Variants in UTP20 observed in about 807,000 individuals in gnomAD.
UTP20 encodes small subunit processome component 20 homolog.
A neutral mutation model predicts 329.5 loss-of-function variants in UTP20; 164 were observed. The ratio of observed to expected loss-of-function variants is 0.50; its 90% confidence interval spans 0.44 to 0.57. The LOEUF (loss-of-function observed/expected upper bound fraction) is 0.57. Among genes scored for constraint, UTP20 ranks in the 20% least tolerant of loss-of-function variants. The pLI is 0.00. For synonymous variants in UTP20, 1,151 were observed against 1,159.3 expected (o/e 0.99, Z 0.14); for missense variants, 3,055 against 3,284.2 (o/e 0.93, Z 1.71).
At chr12:101,359,915 C>T (rs1435276934) in intron 43 of UTP20, among the ~76,000 whole-genome samples, 1 of 152,152 alleles carries the variant, frequency 6.6e-6, no homozygotes, top group African/African-American at 2.4e-5. Context: ...AGTTGTAGCT[C>T]CTGCCCTTCC....
intron 18 of UTP20, among the ~76,000 whole-genome samples, chr12:101,308,709 C>T (rs1487866281): frequency 6.7e-6 from 1 of 149,710 alleles, no homozygotes; most frequent in Non-Finnish European, 1.5e-5. Context: ...GATTTGTTTG[C>T]TGCTGCAGAA....
At chr12:101,319,298 C>G (rs1371409353) in intron 22 of UTP20, among the ~76,000 whole-genome samples, 1 of 152,046 alleles carries the variant, frequency 6.6e-6, no homozygotes, top group African/African-American at 2.4e-5. Flanking sequence ...CAATTTAAAC[C>G]ATTCTGAGCA....
intron 8 of UTP20, 127 bp downstream of exon 8, chr12:101,291,015 C>G: frequency 9.9e-7 from 1 of 1,013,270 alleles, no homozygotes; most frequent in South Asian, 2.5e-5. Flanking sequence ...CTTCTGTACA[C>G]ATATTAAAAT....
chr12:101,366,466 TG>T, intron 46 of UTP20, 91 bp from the exon 47 acceptor site: 1 of 1,481,198 alleles, frequency 6.8e-7, no homozygotes, highest in Non-Finnish European at 9.1e-7. Flanking sequence ...TATTTAGTGC[TG>T]GGCTCTCGTC....
chr12:101,299,595 T>A, intron 12 of UTP20, 87 bp from the exon 13 acceptor site: 1 of 1,305,298 alleles, frequency 7.7e-7, no homozygotes. Flanking sequence ...TGCTCCACAA[T>A]GGTAAGAATC....
chr12:101,343,029 A>G lies in UTP20; in HGVS notation c.4385A>G (p.Glu1462Gly). 1 of 1,613,500 alleles carries G rather than the reference A, an allele frequency of 6.2e-7. No individual in the cohort carries two copies. The highest frequency in any genetic ancestry group is 8.5e-7 in the Non-Finnish European group (1 of 1,179,548). ...TFQTITSYIK[E>G]MQIVDVNYLI... Reference sequence around the variant, plus strand: ...CAGACCATCACCTCTTACATTAAAGAAATGCAAATTGTGGATGTTAACTAC... The same window carrying G: ...CAGACCATCACCTCTTACATTAAAGGAATGCAAATTGTGGATGTTAACTAC... The change falls in exon 35 of 62, where the codon GAA (glutamate) becomes GGA (glycine). Residue 1462 changes from glutamate to glycine, a missense_variant. By Grantham distance (98) the Glu-to-Gly change is moderately conservative (BLOSUM62 -2). Coordinates refer to ENST00000261637, the MANE Select transcript of UTP20 (RefSeq NM_014503.3).
intron 38 of UTP20, among the ~76,000 whole-genome samples, chr12:101,349,335 C>G (rs1157018009): frequency 6.7e-6 from 1 of 148,720 alleles, no homozygotes; most frequent in Non-Finnish European, 1.5e-5. Context: ...TTTTATGATT[C>G]TTGTGCTTGG....
intron 8 of UTP20, 121 bp downstream of exon 8, chr12:101,291,009 T>A (rs1323725934): frequency 6.7e-6 from 7 of 1,042,952 alleles, no homozygotes; most frequent in East Asian, 5.9e-5. Flanking sequence ...TTTATACTTC[T>A]GTACACATAT....
intron 38 of UTP20, among the ~76,000 whole-genome samples, chr12:101,348,856 A>T (rs1482122710): frequency 6.7e-6 from 1 of 150,340 alleles, no homozygotes; most frequent in African/African-American, 2.4e-5. Flanking sequence ...GATTACAGGC[A>T]TGAGCCACTG....
chr12:101,329,715 A>G (rs1868695204), intron 27 of UTP20, among the ~76,000 whole-genome samples: 1 of 152,202 alleles, frequency 6.6e-6, no homozygotes, highest in African/African-American at 2.4e-5. Flanking sequence ...AGATCCAGAA[A>G]TGACACAGAT....
chr12:101,329,420 G>A lies in UTP20; in HGVS notation c.3388G>A (p.Val1130Ile), dbSNP rs759344498. ...LQILLCMTAT[V>I]SHILDQREKI... ...GATACTGCTCTGTATGACAGCAACC[G>A]TATCACACATCCTTGACCAACGAGA... Residue 1130 changes from valine to isoleucine, a missense_variant, in exon 27 of 62, where the codon GTA (valine) becomes ATA (isoleucine). Coordinates refer to ENST00000261637, the MANE Select transcript of UTP20 (RefSeq NM_014503.3). 194 of 1,613,198 alleles carry A rather than the reference G, an allele frequency of 1.2e-4. No homozygotes were observed. Among genetic ancestry groups the A allele is most frequent in the Non-Finnish European group, 1.4e-4 (169 of 1,179,452 alleles).
chr12:101,341,724 G>A (rs927244216), intron 32 of UTP20, among the ~76,000 whole-genome samples: 1 of 152,142 alleles, frequency 6.6e-6, no homozygotes, highest in African/African-American at 2.4e-5. Flanking sequence ...GGCCAACATA[G>A]TGAAACCCTG....
chr12:101,283,275 CTGGCAGT>C (rs1871856134), intron 2 of UTP20, among the ~76,000 whole-genome samples: 1 of 152,174 alleles, frequency 6.6e-6, no homozygotes, highest in Non-Finnish European at 1.5e-5. Flanking sequence ...TGTCACGTGT[CTGGCAGT>C]TGGCTGTGGC....
intron 23 of UTP20, 28 bp from the exon 24 acceptor site, chr12:101,320,824 C>A: frequency 6.3e-7 from 1 of 1,583,414 alleles, no homozygotes; most frequent in South Asian, 1.2e-5. Flanking sequence ...TATATGACTT[C>A]ATTAATTCTG....
intron 6 of UTP20, among the ~76,000 whole-genome samples, chr12:101,289,500 AT>A (rs1316327956): frequency 2.0e-5 from 3 of 152,208 alleles, no homozygotes; most frequent in African/African-American, 7.2e-5. Flanking sequence ...GTATCTATAT[AT>A]ATACTTAACA....
chr12:101,302,408 G>A, intron 14 of UTP20, 40 bp from the exon 15 acceptor site: 2 of 1,253,472 alleles, frequency 1.6e-6, no homozygotes, highest in Non-Finnish European at 1.2e-6. Flanking sequence ...TAATGTCAAA[G>A]AAATAAGTAA....
chr12:101,337,626 G>A (rs1162620824), intron 29 of UTP20, among the ~76,000 whole-genome samples: 4 of 152,134 alleles, frequency 2.6e-5, no homozygotes, highest in Non-Finnish European at 4.4e-5. Flanking sequence ...AGGGTTTTAC[G>A]TGAGTGTATA....
intron 2 of UTP20, among the ~76,000 whole-genome samples, chr12:101,281,717 T>G (rs1871802224): frequency 6.6e-6 from 1 of 152,190 alleles, no homozygotes; most frequent in African/African-American, 2.4e-5. Context: ...TATTTATTCA[T>G]TTTTTTGAGA....
chr12:101,324,060 C>G (rs551789104), intron 25 of UTP20, among the ~76,000 whole-genome samples: 56 of 151,898 alleles, frequency 3.7e-4, no homozygotes, highest in African/African-American at 1.3e-3. Context: ...TCACTTGAAC[C>G]CGGGAGGTGG....
Sources: allele counts gnomAD v4.1 joint callset (sites outside exome capture counted in the v4.1 genomes callset), GRCh38; gene constraint gnomAD v4.1.1; transcripts MANE v1.5; gene names NCBI Gene and HGNC (gene_info 2026-07-23, HGNC 2026-07-21).